TACC1: variants seen among roughly 807,000 people sequenced by gnomAD.
TACC1 encodes the protein transforming acidic coiled-coil-containing protein 1.
TACC1 carries 48 observed loss-of-function variants against 84.4 expected under a neutral mutation model. That is an observed-to-expected ratio of 0.57 (90% CI 0.45 to 0.72). TACC1 has a LOEUF of 0.72. TACC1 is among the 30% of genes least tolerant of loss of function. TACC1 has a pLI of 0.00. For synonymous variants in TACC1, 372 were observed against 376.3 expected (o/e 0.99, Z 0.13); for missense variants, 920 against 973.0 (o/e 0.95, Z 0.72).
chr8:38,847,239 T>C (rs1423081195), intron 12 of TACC1, among the ~76,000 whole-genome samples: 2 of 152,180 alleles, frequency 1.3e-5, no homozygotes, highest in South Asian at 2.1e-4. Context: ...TCTGGAGATA[T>C]ATTTGTTTGG....
intron 2 of TACC1, among the ~76,000 whole-genome samples, chr8:38,795,429 G>C (rs371570636): frequency 1.3e-5 from 2 of 152,176 alleles, no homozygotes; most frequent in Admixed American, 6.5e-5. Flanking sequence ...TGGTACTTGC[G>C]GGTGGCAGAG....
chr8:38,809,829 A>G (rs1388758320), intron 2 of TACC1, among the ~76,000 whole-genome samples: 2 of 152,210 alleles, frequency 1.3e-5, no homozygotes, highest in Non-Finnish European at 2.9e-5. Context: ...GTAGCGCTTT[A>G]CTTCCCTTCC....
chr8:38,824,400 G>C (rs1827559150), intron 3 of TACC1, among the ~76,000 whole-genome samples: 1 of 152,032 alleles, frequency 6.6e-6, no homozygotes, highest in African/African-American at 2.4e-5. Flanking sequence ...TACTGGCTTG[G>C]AACAGTTAAT....
At chr8:38,826,874 A>C (rs1156587505) in intron 4 of TACC1, among the ~76,000 whole-genome samples, 1 of 152,244 alleles carries the variant, frequency 6.6e-6, no homozygotes, top group African/African-American at 2.4e-5. Flanking sequence ...TAGGTATATG[A>C]GCAAAAAAAT....
intron 1 of TACC1, among the ~76,000 whole-genome samples, chr8:38,739,284 C>T (rs1038805220): frequency 6.6e-6 from 1 of 152,178 alleles, no homozygotes; most frequent in African/African-American, 2.4e-5. Flanking sequence ...CACTGTAGAC[C>T]TCCCCTTGCT....
rs1344504454 is a variant in TACC1 at position 38,849,513 on chromosome 8, A to C, written c.*1490A>C. The C allele has an allele frequency of 6.6e-6, 1 of 152,228 alleles. No individual in the cohort carries two copies. Among genetic ancestry groups the C allele is most frequent in the Admixed American group, 6.5e-5 (1 of 15,284 alleles). 9.4% of individuals were successfully genotyped at this position (152,228 alleles called of 1,614,324 possible). ...ATATTCAGTATACGTATGTTTTCCTACTTCTCTTGTAAAACTGTTGCATGA... is the reference window on the plus strand; with the variant it reads ...ATATTCAGTATACGTATGTTTTCCTCCTTCTCTTGTAAAACTGTTGCATGA... On this transcript the variant is annotated 3_prime_UTR_variant, in exon 13 of 13. Coordinates refer to ENST00000317827, the MANE Select transcript of TACC1 (RefSeq NM_006283.3).
rs1271531324 is a variant in TACC1 at position 38,852,591 on chromosome 8, T to C, written c.*4568T>C. On this transcript the variant is annotated 3_prime_UTR_variant, in exon 13 of 13. Transcript: ENST00000317827. ...TCCCCAGTCCAGATACAGGGCAGCG[T>C]GTAGGTGACCACACCAGAGCCTCAG... The C allele has an allele frequency of 6.5e-6, 1 of 152,690 alleles. No homozygotes were observed. Among genetic ancestry groups the C allele is most frequent in the African/African-American group, 2.4e-5 (1 of 41,452 alleles). The allele number at this position is 152,690 out of a possible 1,614,324, so 9.5% of individuals were successfully genotyped here. A position where few individuals can be genotyped will look rare whatever the true frequency, so the allele number is the denominator to read the frequency against.
intron 3 of TACC1, among the ~76,000 whole-genome samples, chr8:38,769,907 G>T (rs1436961729): frequency 6.7e-6 from 1 of 149,302 alleles, no homozygotes; most frequent in Non-Finnish European, 1.5e-5. Flanking sequence ...AGGGTGTGTG[G>T]TGTGTGTGTG....
intron 1 of TACC1, among the ~76,000 whole-genome samples, chr8:38,733,288 T>G (rs917117697): frequency 1.3e-5 from 2 of 149,762 alleles, no homozygotes; most frequent in African/African-American, 4.9e-5. Context: ...ATCTCTCATA[T>G]CCAGAATTGA....
chr8:38,754,458 C>T (rs1231067233), intron 3 of TACC1, among the ~76,000 whole-genome samples: 1 of 152,192 alleles, frequency 6.6e-6, no homozygotes, highest in Non-Finnish European at 1.5e-5. Context: ...AGAGGCTGAG[C>T]GTTCCTCTGA....
At chr8:38,749,140 T>C (rs1159103092) in intron 3 of TACC1, among the ~76,000 whole-genome samples, 1 of 152,208 alleles carries the variant, frequency 6.6e-6, no homozygotes, top group Non-Finnish European at 1.5e-5. Context: ...TCTCTATTGT[T>C]ATGAACAACT....
chr8:38,839,643 G>A (rs978484959), intron 8 of TACC1: 4 of 237,970 alleles, frequency 1.7e-5, no homozygotes, highest in Non-Finnish European at 2.4e-5. Flanking sequence ...GACGTGATGC[G>A]ACTCACAGAG....
At chr8:38,789,635 G>GGGGAGTTAA (rs775352042) in intron 2 of TACC1, among the ~76,000 whole-genome samples, 110 of 152,328 alleles carry the variant, frequency 7.2e-4, no homozygotes, top group Non-Finnish European at 4.4e-4. Context: ...GAAGGCTGAA[G>GGGGAGTTAA]GGGAGTTAGT....
At chr8:38,768,522 AACGGGAGTG>A (rs1302590193) in intron 3 of TACC1, among the ~76,000 whole-genome samples, 1 of 152,198 alleles carries the variant, frequency 6.6e-6, no homozygotes, top group Non-Finnish European at 1.5e-5. Context: ...CAGCAGAAGG[AACGGGAGTG>A]TCAAAAGTTC....
At chr8:38,734,394 G>T (rs2151624595) in intron 1 of TACC1, among the ~76,000 whole-genome samples, 1 of 152,270 alleles carries the variant, frequency 6.6e-6, no homozygotes, top group Middle Eastern at 3.4e-3. Context: ...GTTTCACCAT[G>T]TTGGCCAGGC....
intron 3 of TACC1, among the ~76,000 whole-genome samples, 181 bp downstream of exon 3, chr8:38,820,816 T>C (rs1826613524): frequency 6.6e-6 from 1 of 152,212 alleles, no homozygotes; most frequent in African/African-American, 2.4e-5. Flanking sequence ...GAATCAGAAA[T>C]ACCAGAGGTT....
intron 5 of TACC1, among the ~76,000 whole-genome samples, chr8:38,830,254 A>G (rs1828943588): frequency 6.6e-6 from 1 of 152,016 alleles, no homozygotes; most frequent in African/African-American, 2.4e-5. Flanking sequence ...TAATGAGTGC[A>G]TCTTCTGGTT....
At chr8:38,777,889 G>A (rs564227581) in intron 3 of TACC1, among the ~76,000 whole-genome samples, 14 of 152,314 alleles carry the variant, frequency 9.2e-5, no homozygotes, top group Non-Finnish European at 5.9e-5. Flanking sequence ...ACACCTAGTT[G>A]TAGAGAAGGA....
At chr8:38,787,788 C>T (rs1237884298) in intron 1 of TACC1, 45 bp downstream of exon 1, 5 of 1,454,798 alleles carry the variant, frequency 3.4e-6, no homozygotes, top group Non-Finnish European at 4.5e-6. Flanking sequence ...CGCTTGCCTC[C>T]ATCCATCTGC....
Sources: gnomAD v4.1 joint callset for allele counts (sites outside exome capture counted in the v4.1 genomes callset) on GRCh38, gnomAD v4.1.1 for gene constraint, MANE v1.5 for transcripts, NCBI Gene and HGNC (gene_info 2026-07-23, HGNC 2026-07-21) for gene names.